ADGRB3: variants seen among roughly 807,000 people sequenced by gnomAD.
The protein encoded by ADGRB3 is brain-specific angiogenesis inhibitor 3.
In ADGRB3, 37 loss-of-function variants were observed where a neutral mutation model predicts 193.4. That is an observed-to-expected ratio of 0.19 (90% CI 0.15 to 0.25). The LOEUF (loss-of-function observed/expected upper bound fraction) is 0.25, where lower values mean the gene tolerates loss of function less well. Ranked by LOEUF, ADGRB3 falls within the 10% of genes least tolerant of loss-of-function variation. The probability of loss-of-function intolerance (pLI) is 1.00; values close to 1 mark genes in which losing one functional copy is unlikely to be tolerated. For missense variants in ADGRB3, 1,637 were observed against 1,852.9 expected, an observed-to-expected ratio of 0.88 and a Z score of 2.14; for synonymous variants, 690 against 644.2, an observed-to-expected ratio of 1.07 and a Z score of -1.08.
At chr6:68,938,939 T>TG (rs770858494) in intron 5 of ADGRB3, among the ~76,000 whole-genome samples, 74 of 152,214 alleles carry the variant, frequency 4.9e-4, no homozygotes, top group Non-Finnish European at 8.5e-4. Context: ...GATAGTATTA[T>TG]GGCAAATGGA....
At chr6:68,950,600 T>G (rs1767889296) in intron 6 of ADGRB3, among the ~76,000 whole-genome samples, 1 of 152,190 alleles carries the variant, frequency 6.6e-6, no homozygotes, top group South Asian at 2.1e-4. Context: ...AACACTAGTC[T>G]AACCCAGTTC....
intron 3 of ADGRB3, among the ~76,000 whole-genome samples, chr6:68,658,610 G>A (rs1768547400): frequency 6.6e-6 from 1 of 151,226 alleles, no homozygotes; most frequent in Non-Finnish European, 1.5e-5. Context: ...GACATGCAAA[G>A]TTTACTTTTT....
At chr6:68,803,542 T>G (rs1276352733) in intron 3 of ADGRB3, among the ~76,000 whole-genome samples, 1 of 152,220 alleles carries the variant, frequency 6.6e-6, no homozygotes, top group African/African-American at 2.4e-5. Flanking sequence ...ACCCATGTTC[T>G]TTTCACATTC....
intron 8 of ADGRB3, among the ~76,000 whole-genome samples, chr6:68,971,417 C>G (rs890492939): frequency 6.6e-5 from 10 of 152,096 alleles, no homozygotes; most frequent in African/African-American, 2.4e-4. Context: ...AAAAGTCTGC[C>G]CTTCTTAGAT....
intron 3 of ADGRB3, among the ~76,000 whole-genome samples, chr6:68,798,279 C>A (rs1051146605): frequency 2.6e-5 from 4 of 152,062 alleles, no homozygotes; most frequent in African/African-American, 9.7e-5. Context: ...CTTCTATGTG[C>A]CAAGTCTGTT....
chr6:69,168,624 T>C (rs1017812379), intron 17 of ADGRB3, among the ~76,000 whole-genome samples: 1 of 152,130 alleles, frequency 6.6e-6, no homozygotes, highest in Non-Finnish European at 1.5e-5. Flanking sequence ...TGGCTTATAG[T>C]GGGTATGAGC....
intron 20 of ADGRB3, among the ~76,000 whole-genome samples, chr6:69,296,129 C>T (rs1175271309): frequency 6.6e-6 from 1 of 152,118 alleles, no homozygotes; most frequent in African/African-American, 2.4e-5. Flanking sequence ...CAGTGACTCT[C>T]ATCAAACATG....
chr6:69,076,071 G>A (rs997429620), intron 17 of ADGRB3, 33 bp downstream of exon 17: 2 of 1,599,958 alleles, frequency 1.3e-6, no homozygotes, highest in Middle Eastern at 3.3e-4. Context: ...CATTACTTTG[G>A]GCTAAATTTT....
At chr6:69,228,462 T>C (rs1766067078) in intron 17 of ADGRB3, among the ~76,000 whole-genome samples, 1 of 152,164 alleles carries the variant, frequency 6.6e-6, no homozygotes, top group East Asian at 1.9e-4. Context: ...ATGGAAAGCA[T>C]TAACAGGTAT....
intron 8 of ADGRB3, among the ~76,000 whole-genome samples, chr6:68,958,286 G>A (rs1357165043): frequency 2.0e-5 from 3 of 152,158 alleles, no homozygotes; most frequent in Non-Finnish European, 4.4e-5. Flanking sequence ...ATGCAGGGTT[G>A]TTAAGAGGAT....
At chr6:68,913,425 G>A (rs541031748) in intron 3 of ADGRB3, among the ~76,000 whole-genome samples, 1 of 151,568 alleles carries the variant, frequency 6.6e-6, no homozygotes, top group African/African-American at 2.4e-5. Flanking sequence ...GCTGATACAG[G>A]CAGACAGGGT....
intron 17 of ADGRB3, among the ~76,000 whole-genome samples, chr6:69,222,944 T>C (rs954357022): frequency 4.6e-5 from 7 of 152,180 alleles, no homozygotes; most frequent in Non-Finnish European, 8.8e-5. Flanking sequence ...ATTATTTTCC[T>C]AGTTTACATT....
chr6:68,933,354 T>C (rs1046735504), intron 4 of ADGRB3, among the ~76,000 whole-genome samples: 6 of 152,124 alleles, frequency 3.9e-5, no homozygotes, highest in Non-Finnish European at 5.9e-5. Flanking sequence ...CACTTTGTCA[T>C]TTACAAGGCG....
At chr6:69,007,970 G>A (rs1226251532) in intron 11 of ADGRB3, among the ~76,000 whole-genome samples, 2 of 152,230 alleles carry the variant, frequency 1.3e-5, no homozygotes, top group African/African-American at 4.8e-5. Context: ...CCTCTAAGAG[G>A]TGAGGAACCC....
At chr6:69,026,334 C>T (rs1770432201) in intron 13 of ADGRB3, among the ~76,000 whole-genome samples, 1 of 152,032 alleles carries the variant, frequency 6.6e-6, no homozygotes, top group Non-Finnish European at 1.5e-5. Context: ...AGAACTGAAC[C>T]TTTAGAGCAT....
intron 3 of ADGRB3, among the ~76,000 whole-genome samples, chr6:68,771,158 A>T (rs1386958827): frequency 6.6e-6 from 1 of 152,044 alleles, no homozygotes; most frequent in Non-Finnish European, 1.5e-5. Context: ...TGCTATGTAA[A>T]CTTTTATTTT....
At position 69,302,136 on chromosome 6, in the gene ADGRB3, A is replaced by G. The variant is rs146626073; in HGVS notation, c.2815-22736A>G. 1.9e-3 allele frequency among the ~76,000 whole-genome samples: 292 copies of G among 152,064 alleles called. 2 individuals are homozygous for G. Among genetic ancestry groups the G allele is most frequent in the Middle Eastern group, 6.8e-3 (2 of 294 alleles). The stretch of plus-strand genomic sequence containing the variant: ...CTGCCTGAACAGGTTTTTAATGTAG[A>G]TGAAAGTGTCCTATTCTGGAAAAAC... On this transcript the variant is annotated intron_variant, in intron 20 of 31. Transcript: ENST00000370598.
chr6:69,089,931 T>C (rs1049459179), intron 17 of ADGRB3, among the ~76,000 whole-genome samples: 4 of 152,204 alleles, frequency 2.6e-5, no homozygotes, highest in Admixed American at 6.5e-5. Flanking sequence ...TTGAGAACCA[T>C]TGATATAGGG....
intron 17 of ADGRB3, among the ~76,000 whole-genome samples, chr6:69,105,179 C>T (rs566880707): frequency 5.3e-5 from 8 of 152,232 alleles, no homozygotes; most frequent in East Asian, 1.9e-4. Context: ...TGATTCTGGA[C>T]GCTTATCCTA....
Sources: allele counts gnomAD v4.1 joint callset (sites outside exome capture counted in the v4.1 genomes callset), GRCh38; gene constraint gnomAD v4.1.1; transcripts MANE v1.5; gene names NCBI Gene and HGNC (gene_info 2026-07-23, HGNC 2026-07-21).